C1orf21: variants seen among roughly 807,000 people sequenced by gnomAD.
C1orf21 encodes uncharacterized protein C1orf21.
Under a neutral mutation model 18.7 loss-of-function variants are expected in C1orf21, and 3 were observed. The ratio of observed to expected loss-of-function variants is 0.16; its 90% confidence interval spans 0.07 to 0.42. The LOEUF (loss-of-function observed/expected upper bound fraction) is 0.42. Ranked by LOEUF, C1orf21 falls within the 10% of genes least tolerant of loss-of-function variation. C1orf21 has a pLI of 0.99. For missense variants in C1orf21, 104 were observed against 143.6 expected (o/e 0.72, Z 1.41); for synonymous variants, 41 against 46.4 (o/e 0.88, Z 0.47).
At chr1:184,591,679 T>A (rs928636702) in intron 4 of C1orf21, among the ~76,000 whole-genome samples, 2 of 151,730 alleles carry the variant, frequency 1.3e-5, no homozygotes, top group African/African-American at 4.8e-5. Flanking sequence ...GGTGGCGGGC[T>A]CCTGTAGTCC....
chr1:184,457,778 G>A (rs1451456047), intron 1 of C1orf21, among the ~76,000 whole-genome samples: 1 of 152,164 alleles, frequency 6.6e-6, no homozygotes, highest in Non-Finnish European at 1.5e-5. Flanking sequence ...TCAGCTTTGA[G>A]TATCCTGAAG....
chr1:184,587,069 G>T (rs1659364533), intron 3 of C1orf21, among the ~76,000 whole-genome samples: 1 of 152,118 alleles, frequency 6.6e-6, no homozygotes, highest in African/African-American at 2.4e-5. Flanking sequence ...TTATTGTCAG[G>T]TTTGTCAAAG....
chr1:184,561,077 T>C (rs181626548), intron 3 of C1orf21, among the ~76,000 whole-genome samples: 2 of 152,334 alleles, frequency 1.3e-5, no homozygotes, highest in Admixed American at 1.3e-4. Flanking sequence ...CCAGCCTTTG[T>C]GGAATAATCC....
chr1:184,481,552 T>C (rs1009228553), intron 2 of C1orf21, among the ~76,000 whole-genome samples: 4 of 152,148 alleles, frequency 2.6e-5, no homozygotes, highest in Admixed American at 2.0e-4. Context: ...AGGGTCAAGA[T>C]TGGGGCTAAA....
At chr1:184,596,810 G>T (rs909699629) in intron 4 of C1orf21, among the ~76,000 whole-genome samples, 1 of 151,368 alleles carries the variant, frequency 6.6e-6, no homozygotes, top group Non-Finnish European at 1.5e-5. Flanking sequence ...GGCAGAAGTT[G>T]CAGTGAGCTG....
intron 1 of C1orf21, among the ~76,000 whole-genome samples, chr1:184,453,792 A>G (rs1280765706): frequency 6.6e-6 from 1 of 152,176 alleles, no homozygotes; most frequent in Non-Finnish European, 1.5e-5. Flanking sequence ...GCCTTTGTCT[A>G]CTTGAGTTAG....
intron 3 of C1orf21, among the ~76,000 whole-genome samples, chr1:184,528,270 A>G (rs1025478875): frequency 2.0e-5 from 3 of 152,224 alleles, no homozygotes; most frequent in African/African-American, 7.2e-5. Context: ...ACCTTAAAAT[A>G]TGATTTTAAA....
At chr1:184,483,984 C>T (rs1452296656) in intron 2 of C1orf21, among the ~76,000 whole-genome samples, 3 of 152,062 alleles carry the variant, frequency 2.0e-5, no homozygotes, top group Admixed American at 6.5e-5. Flanking sequence ...AGTGCAGTGG[C>T]GTGATCTCAG....
At chr1:184,412,754 G>A (rs1656374973) in intron 1 of C1orf21, among the ~76,000 whole-genome samples, 2 of 152,192 alleles carry the variant, frequency 1.3e-5, no homozygotes, top group Non-Finnish European at 2.9e-5. Flanking sequence ...GTTGCAGTGA[G>A]CTATGATTGT....
At chr1:184,396,545 G>A (rs1016318880) in intron 1 of C1orf21, among the ~76,000 whole-genome samples, 1 of 152,178 alleles carries the variant, frequency 6.6e-6, no homozygotes, top group Admixed American at 6.5e-5. Context: ...GTTTGCAAGA[G>A]GTTGAGTTTC....
chr1:184,501,243 T>C (rs538713559), intron 2 of C1orf21, among the ~76,000 whole-genome samples: 1 of 152,334 alleles, frequency 6.6e-6, no homozygotes, highest in Admixed American at 6.5e-5. Context: ...CTTCGGTTCC[T>C]GTAGCCCTAT....
chr1:184,442,415 T>C (rs1407125072), intron 1 of C1orf21, among the ~76,000 whole-genome samples: 1 of 152,168 alleles, frequency 6.6e-6, no homozygotes, highest in East Asian at 1.9e-4. Flanking sequence ...AACACAGGAT[T>C]ATGATAAAGA....
rs1236823648 is a variant in C1orf21, at chr1:184,535,957, T to C, written c.189+28275T>C. ...TATTAATAGGACATGTTTATCATCC[T>C]AAGAAACCTGAAATGATGTGGTTCT... On this transcript the variant is annotated intron_variant, in intron 3 of 5. Coordinates refer to ENST00000235307, the MANE Select transcript of C1orf21 (RefSeq NM_030806.4). Among the ~76,000 whole-genome samples, 4 of 152,234 alleles carry C rather than the reference T, an allele frequency of 2.6e-5. No homozygotes were observed. In the East Asian group the frequency reaches 7.7e-4, roughly 29 times the overall value.
At chr1:184,579,830 A>G (rs1330899347) in intron 3 of C1orf21, among the ~76,000 whole-genome samples, 1 of 152,148 alleles carries the variant, frequency 6.6e-6, no homozygotes, top group Non-Finnish European at 1.5e-5. Flanking sequence ...TAAAGTAGAG[A>G]TGACTCCTTG....
chr1:184,583,048 A>C (rs1259617090), intron 3 of C1orf21, among the ~76,000 whole-genome samples: 1 of 152,164 alleles, frequency 6.6e-6, no homozygotes, highest in East Asian at 1.9e-4. Context: ...CATGTTGGCC[A>C]GGCTGGTCTC....
At chr1:184,461,182 A>T (rs550438621) in intron 1 of C1orf21, among the ~76,000 whole-genome samples, 1 of 152,200 alleles carries the variant, frequency 6.6e-6, no homozygotes, top group East Asian at 1.9e-4. Flanking sequence ...GTCTGTTCTC[A>T]TGCCAGTTGG....
chr1:184,607,605 A>G (rs966258457), intron 5 of C1orf21, among the ~76,000 whole-genome samples: 2 of 151,792 alleles, frequency 1.3e-5, no homozygotes, highest in Non-Finnish European at 2.9e-5. Context: ...GCATATAGAT[A>G]TATATATACA....
chr1:184,588,346 T>C (rs951928078), intron 3 of C1orf21, among the ~76,000 whole-genome samples: 9 of 152,000 alleles, frequency 5.9e-5, no homozygotes, highest in Admixed American at 5.9e-4. Flanking sequence ...GGTTTTCTGA[T>C]GAGATTGATG....
At chr1:184,542,495 G>C (rs1658669677) in intron 3 of C1orf21, 1 of 152,130 alleles carries the variant, frequency 6.6e-6, no homozygotes, top group Non-Finnish European at 1.5e-5. Context: ...TGATTCATAG[G>C]ACAGAATGCA....
Sources: gnomAD v4.1 joint callset for allele counts (sites outside exome capture counted in the v4.1 genomes callset) on GRCh38, gnomAD v4.1.1 for gene constraint, MANE v1.5 for transcripts, NCBI Gene and HGNC (gene_info 2026-07-23, HGNC 2026-07-21) for gene names.